Variants in FANCB observed in about 807,000 individuals in gnomAD.
FANCB encodes Fanconi anemia group B protein.
In FANCB, 5 loss-of-function variants were observed where a neutral mutation model predicts 38.9. That is an observed-to-expected ratio of 0.13 (90% CI 0.07 to 0.27). FANCB has a LOEUF of 0.27. FANCB is among the 10% of genes least tolerant of loss of function. The pLI is 1.00. For synonymous variants in FANCB, 236 were observed against 215.4 expected, an observed-to-expected ratio of 1.10 and a Z score of -0.84; for missense variants, 573 against 602.7, an observed-to-expected ratio of 0.95 and a Z score of 0.52.
chrX:14,753,680 C>T, the FANCB span, among the ~76,000 whole-genome samples: 3 of 110,941 alleles, frequency 2.7e-5, no homozygotes, highest in Admixed American at 2.9e-4. Context: ...TAGTGATTAC[C>T]GAGTTCCCAA....
the FANCB span, chrX:14,690,739 G>A: frequency 1.7e-6 from 2 of 1,203,328 alleles, no homozygotes; most frequent in Non-Finnish European, 1.1e-6. Context: ...TTGACATCTG[G>A]ATGGCGGTGT....
chrX:14,775,054 G>A, the FANCB span, among the ~76,000 whole-genome samples: 1 of 108,622 alleles, frequency 9.2e-6, no homozygotes, highest in Admixed American at 9.9e-5. Flanking sequence ...GGAGGGTCTC[G>A]ATCTCCTGAC....
the FANCB span, among the ~76,000 whole-genome samples, chrX:14,830,244 T>C: frequency 8.9e-6 from 1 of 111,784 alleles, no homozygotes; most frequent in African/African-American, 3.3e-5. Flanking sequence ...TGATCACAGA[T>C]CACCATAACA....
chrX:14,855,746 T>C (rs1833700237), intron 5 of FANCB, among the ~76,000 whole-genome samples: 1 of 112,059 alleles, frequency 8.9e-6, no homozygotes, highest in African/African-American at 3.2e-5. Flanking sequence ...ACTTGTGAGA[T>C]TTATGAGGGC....
the FANCB span, among the ~76,000 whole-genome samples, chrX:14,738,514 G>T: frequency 8.9e-6 from 1 of 112,037 alleles, no homozygotes; most frequent in East Asian, 2.8e-4. Context: ...AAACATTGGT[G>T]AAGGAGGATA....
At chrX:14,780,307 G>C in the FANCB span, among the ~76,000 whole-genome samples, 2 of 109,490 alleles carry the variant, frequency 1.8e-5, 1 homozygote, top group African/African-American at 6.8e-5. Flanking sequence ...TTATTTAAAA[G>C]GAAATATTAA....
the FANCB span, among the ~76,000 whole-genome samples, chrX:14,696,799 T>C: frequency 4.5e-5 from 5 of 112,141 alleles, no homozygotes; most frequent in Non-Finnish European, 7.5e-5. Context: ...GAGATGCCAG[T>C]TGGCAGTTAC....
At chrX:14,732,734 T>A in the FANCB span, among the ~76,000 whole-genome samples, 15 of 112,344 alleles carry the variant, frequency 1.3e-4, no homozygotes, top group East Asian at 3.9e-3. Flanking sequence ...GGGTTGATTT[T>A]TTCCTGTAAA....
In FANCB at chrX:14,853,065, C is replaced by A. The variant is rs1354970109; in HGVS notation, c.1300G>T (p.Asp434Tyr). Residue 434 changes from aspartate (D) to tyrosine (Y), a missense_variant, in exon 6 of 10, where the codon GAT (aspartate) becomes TAT (tyrosine). Coordinates refer to ENST00000650831, the MANE Select transcript of FANCB (RefSeq NM_001018113.3). ...KALINLVQGKDDNTSSAEEKE... is the reference protein window; with the variant it reads ...KALINLVQGKYDNTSSAEEKE... ...TCCTCTGCACTTGACGTATTATCAT[C>A]TTTTCCTTGAACTAGGTTTATTAAA... 2 of 1,201,394 alleles carry A rather than the reference C, an allele frequency of 1.7e-6. No individual in the cohort carries two copies.
the FANCB span, among the ~76,000 whole-genome samples, chrX:14,762,563 T>C: frequency 8.9e-6 from 1 of 111,906 alleles, no homozygotes; most frequent in African/African-American, 3.3e-5. Flanking sequence ...ACAGTTTTCT[T>C]TATGTTTAAA....
the FANCB span, among the ~76,000 whole-genome samples, chrX:14,814,699 T>G: frequency 5.2e-4 from 58 of 112,123 alleles, no homozygotes; most frequent in African/African-American, 1.9e-3. Context: ...TGGAGAAATA[T>G]GAATGCTTTT....
chrX:14,750,605 A>C, the FANCB span, among the ~76,000 whole-genome samples: 2 of 111,054 alleles, frequency 1.8e-5, no homozygotes, highest in Non-Finnish European at 3.8e-5. Flanking sequence ...TTTGCCAGGA[A>C]CAACTCAACA....
chrX:14,735,968 A>G, the FANCB span, among the ~76,000 whole-genome samples: 1 of 111,783 alleles, frequency 8.9e-6, no homozygotes, highest in East Asian at 2.8e-4. Context: ...GTCTGGCTAG[A>G]GCAGCTTGGC....
rs912537580 is a variant in FANCB at position 14,863,833 on chromosome X, T to A, written c.951+727A>T. Among the ~76,000 whole-genome samples, 18 of 108,402 alleles carry A rather than the reference T, an allele frequency of 1.7e-4. No homozygotes were observed. In the East Asian group the frequency reaches 3.1e-3, roughly 19 times the overall value. The allele number at this position is 108,402 out of a possible 115,157, so 94.1% of individuals were successfully genotyped here. A position where few individuals can be genotyped will look rare whatever the true frequency, so the allele number is the denominator to read the frequency against. Reference sequence around the variant, plus strand: ...ACAACAAGTAAATTTAAATAGATAATTATAAATGTTTAAAAAGTTGGCCGG... The same window carrying A: ...ACAACAAGTAAATTTAAATAGATAAATATAAATGTTTAAAAAGTTGGCCGG... On this transcript the variant is annotated intron_variant, in intron 3 of 9. Transcript: ENST00000650831.
the FANCB span, among the ~76,000 whole-genome samples, chrX:14,748,340 T>C: frequency 2.9e-5 from 3 of 103,314 alleles, no homozygotes; most frequent in Non-Finnish European, 3.9e-5. Context: ...TCTCCACCAA[T>C]TGAACCTTGA....
At chrX:14,728,328 G>C in the FANCB span, among the ~76,000 whole-genome samples, 2 of 111,325 alleles carry the variant, frequency 1.8e-5, no homozygotes, top group Non-Finnish European at 3.8e-5. Context: ...AGGAGGTTGA[G>C]ACTGCAGTGA....
At chrX:14,810,786 C>T in the FANCB span, among the ~76,000 whole-genome samples, 62 of 111,249 alleles carry the variant, frequency 5.6e-4, no homozygotes, top group African/African-American at 2.0e-3. Context: ...GCAAGGCAGA[C>T]CAACATTCAG....
chrX:14,833,320 T>C (rs897718449), downstream of FANCB, among the ~76,000 whole-genome samples: 1 of 111,923 alleles, frequency 8.9e-6, no homozygotes, highest in African/African-American at 3.2e-5. Context: ...ATTTGAATAC[T>C]TGAATTTTCC....
chrX:14,805,083 C>A, the FANCB span, among the ~76,000 whole-genome samples: 1 of 111,610 alleles, frequency 9.0e-6, no homozygotes, highest in Non-Finnish European at 1.9e-5. Context: ...GTCACTCTGT[C>A]GCCTCAAACT....
Sources: allele counts gnomAD v4.1 joint callset (sites outside exome capture counted in the v4.1 genomes callset), GRCh38; gene constraint gnomAD v4.1.1; transcripts MANE v1.5; gene names NCBI Gene and HGNC (gene_info 2026-07-23, HGNC 2026-07-21).